The following CDH13 variants were observed in gnomAD, a reference collection of about 807,000 sequenced individuals.
The protein encoded by CDH13 is cadherin-13.
Under a neutral mutation model 63.8 loss-of-function variants are expected in CDH13, and 24 were observed. The observed-to-expected ratio is 0.38, with a 90% CI of 0.27 to 0.53. CDH13 has a LOEUF of 0.53. CDH13 is among the 20% of genes least tolerant of loss of function. CDH13 has a pLI of 0.85. For synonymous variants in CDH13, 503 were observed against 355.3 expected, an observed-to-expected ratio of 1.42 and a Z score of -4.67; for missense variants, 1,049 against 903.1, an observed-to-expected ratio of 1.16 and a Z score of -2.07.
chr16:83,045,182 C>G (rs1012659367), intron 3 of CDH13, among the ~76,000 whole-genome samples: 1 of 152,072 alleles, frequency 6.6e-6, no homozygotes, highest in African/African-American at 2.4e-5. Flanking sequence ...AAAATTAATA[C>G]AAAACTATGC....
intron 6 of CDH13, among the ~76,000 whole-genome samples, chr16:83,366,555 C>T (rs1459415857): frequency 6.6e-6 from 1 of 152,188 alleles, no homozygotes; most frequent in Non-Finnish European, 1.5e-5. Flanking sequence ...GACAGAACGA[C>T]ATCATCCCTG....
chr16:83,414,714 C>G (rs959308490), intron 6 of CDH13, among the ~76,000 whole-genome samples: 1 of 152,168 alleles, frequency 6.6e-6, no homozygotes. Flanking sequence ...ATAATGTCTT[C>G]AAGATTCATC....
At chr16:83,679,015 G>A (rs766732372) in intron 10 of CDH13, among the ~76,000 whole-genome samples, 62 of 152,176 alleles carry the variant, frequency 4.1e-4, no homozygotes, top group Admixed American at 2.0e-3. Context: ...GCTGCCAGAA[G>A]GGGAAGGAGC....
At chr16:82,775,445 C>G (rs2035450816) in intron 1 of CDH13, among the ~76,000 whole-genome samples, 1 of 152,158 alleles carries the variant, frequency 6.6e-6, no homozygotes, top group African/African-American at 2.4e-5. Context: ...GGTGTGGGAT[C>G]ACACTCACCC....
At chr16:83,470,993 C>T (rs1332827898) in intron 6 of CDH13, among the ~76,000 whole-genome samples, 4 of 152,254 alleles carry the variant, frequency 2.6e-5, no homozygotes, top group Admixed American at 6.5e-5. Context: ...TCCTTGGCTC[C>T]TGACGCCTTC....
chr16:83,610,225 A>G (rs760748388), intron 8 of CDH13, among the ~76,000 whole-genome samples: 2 of 152,118 alleles, frequency 1.3e-5, no homozygotes, highest in Non-Finnish European at 2.9e-5. Flanking sequence ...CTCACATCCT[A>G]AACAGCTAGA....
chr16:83,161,835 T>C (rs1259506547), intron 4 of CDH13, among the ~76,000 whole-genome samples: 4 of 152,188 alleles, frequency 2.6e-5, no homozygotes, highest in African/African-American at 9.6e-5. Flanking sequence ...TTCAGAAGCC[T>C]GAGACGCTAT....
At chr16:83,600,351 T>C (rs1299480934) in intron 7 of CDH13, among the ~76,000 whole-genome samples, 1 of 152,100 alleles carries the variant, frequency 6.6e-6, no homozygotes. Context: ...TCACCGTGAA[T>C]TGAAGTGGAG....
At chr16:83,678,113 C>T in intron 9 of CDH13, 95 bp from the exon 10 acceptor site, 3 of 1,329,364 alleles carry the variant, frequency 2.3e-6, no homozygotes, top group Non-Finnish European at 3.1e-6. Context: ...CCCTGAAGGC[C>T]CACTGTTGCT....
chr16:83,474,453 G>C (rs1295413684), intron 6 of CDH13, among the ~76,000 whole-genome samples: 1 of 152,082 alleles, frequency 6.6e-6, no homozygotes, highest in Non-Finnish European at 1.5e-5. Flanking sequence ...AATCTCTGGG[G>C]GAGAGTCTCA....
intron 8 of CDH13, among the ~76,000 whole-genome samples, chr16:83,650,494 A>G (rs1912269372): frequency 1.3e-5 from 2 of 152,218 alleles, no homozygotes; most frequent in African/African-American, 4.8e-5. Flanking sequence ...ACTGTCATGT[A>G]GGGAGACCTG....
chr16:83,353,341 A>C (rs1389036492), intron 6 of CDH13, among the ~76,000 whole-genome samples: 1 of 152,130 alleles, frequency 6.6e-6, no homozygotes, highest in African/African-American at 2.4e-5. Flanking sequence ...AGCCATTGGG[A>C]TTTCCCTCCT....
intron 2 of CDH13, among the ~76,000 whole-genome samples, chr16:82,955,502 C>T (rs891447067): frequency 6.6e-6 from 1 of 152,210 alleles, no homozygotes; most frequent in East Asian, 1.9e-4. Flanking sequence ...GTGATGCATG[C>T]TTTCATCAGA....
chr16:82,843,150 G>T (rs1228977637), intron 1 of CDH13, among the ~76,000 whole-genome samples: 2 of 152,194 alleles, frequency 1.3e-5, no homozygotes, highest in African/African-American at 4.8e-5. Context: ...TTCAAAGAAG[G>T]TATCAGCATG....
intron 2 of CDH13, among the ~76,000 whole-genome samples, chr16:82,980,480 A>G (rs552021568): frequency 5.6e-4 from 85 of 152,332 alleles, no homozygotes; most frequent in African/African-American, 2.0e-3. Flanking sequence ...AACACAACAC[A>G]GTATTATAAG....
intron 1 of CDH13, among the ~76,000 whole-genome samples, chr16:82,828,535 G>A (rs762493122): frequency 2.0e-5 from 3 of 152,126 alleles, no homozygotes; most frequent in African/African-American, 7.2e-5. Flanking sequence ...GCTGAGGCAT[G>A]AGAATTGCTT....
chr16:83,501,615 G>A (rs1168080000), intron 7 of CDH13, among the ~76,000 whole-genome samples: 1 of 152,194 alleles, frequency 6.6e-6, no homozygotes, highest in African/African-American at 2.4e-5. Flanking sequence ...AGCTCTGTAA[G>A]GCTGAAATTG....
intron 5 of CDH13, among the ~76,000 whole-genome samples, chr16:83,340,314 G>GTT (rs1304271009): frequency 6.6e-6 from 1 of 151,844 alleles, no homozygotes; most frequent in Non-Finnish European, 1.5e-5. Context: ...GAGTGTGTGT[G>GTT]TGTGTGTGTG....
intron 11 of CDH13, among the ~76,000 whole-genome samples, chr16:83,760,811 C>T (rs929184214): frequency 3.9e-5 from 6 of 152,292 alleles, no homozygotes; most frequent in African/African-American, 1.4e-4. Context: ...AGAGAGAGCA[C>T]GTAGCTAGTC....
Sources: allele counts gnomAD v4.1 joint callset (sites outside exome capture counted in the v4.1 genomes callset), GRCh38; gene constraint gnomAD v4.1.1; transcripts MANE v1.5; gene names NCBI Gene and HGNC (gene_info 2026-07-23, HGNC 2026-07-21).